The following DDX10 variants were observed in gnomAD, a reference collection of about 807,000 sequenced individuals.
DDX10 encodes probable ATP-dependent RNA helicase DDX10.
A neutral mutation model predicts 104.3 loss-of-function variants in DDX10; 74 were observed. The observed-to-expected ratio is 0.71, with a 90% CI of 0.59 to 0.86. The LOEUF is 0.86. Among genes scored for constraint, DDX10 ranks in the 40% least tolerant of loss-of-function variants. The pLI is 0.00. For missense variants in DDX10, 952 were observed against 1,040.0 expected (o/e 0.92, Z 1.16); for synonymous variants, 351 against 353.4 (o/e 0.99, Z 0.08).
At chr11:108,766,186 G>C (rs540643337) in intron 13 of DDX10, among the ~76,000 whole-genome samples, 6 of 152,000 alleles carry the variant, frequency 3.9e-5, no homozygotes, top group African/African-American at 1.4e-4. Flanking sequence ...TAATTTTTTT[G>C]TTTGCTTTTA....
At chr11:108,666,689 C>T (rs968273214) in intron 1 of DDX10, among the ~76,000 whole-genome samples, 1 of 152,186 alleles carries the variant, frequency 6.6e-6, no homozygotes, top group Non-Finnish European at 1.5e-5. Context: ...TGCATAACTC[C>T]AGTCTCTGCC....
chr11:108,768,245 G>A (rs555607925), intron 13 of DDX10, among the ~76,000 whole-genome samples: 3 of 152,240 alleles, frequency 2.0e-5, no homozygotes, highest in Admixed American at 6.5e-5. Context: ...GAGAGTCAGC[G>A]CCCCTAATTC....
At chr11:108,903,549 GT>G (rs1197249900) in intron 16 of DDX10, among the ~76,000 whole-genome samples, 2 of 152,134 alleles carry the variant, frequency 1.3e-5, no homozygotes, top group African/African-American at 4.8e-5. Flanking sequence ...ACAATACAGT[GT>G]AAGAACTGTT....
chr11:108,879,521 A>G (rs2134630647), intron 16 of DDX10, among the ~76,000 whole-genome samples: 1 of 152,334 alleles, frequency 6.6e-6, no homozygotes, highest in South Asian at 2.1e-4. Context: ...AATATAATGG[A>G]TAAGATTTGC....
intron 6 of DDX10, among the ~76,000 whole-genome samples, chr11:108,687,612 CTT>C (rs2094246238): frequency 6.6e-6 from 1 of 152,164 alleles, no homozygotes; most frequent in African/African-American, 2.4e-5. Context: ...CTCCTTCCCC[CTT>C]TTAAAATTGG....
chr11:108,785,929 G>T (rs1280666986), intron 13 of DDX10, among the ~76,000 whole-genome samples: 1 of 151,892 alleles, frequency 6.6e-6, no homozygotes, highest in African/African-American at 2.4e-5. Context: ...GTTCCTCTAG[G>T]TGTGATGTTA....
chr11:108,891,755 T>C (rs1183287855), intron 16 of DDX10, among the ~76,000 whole-genome samples: 1 of 152,108 alleles, frequency 6.6e-6, no homozygotes, highest in Non-Finnish European at 1.5e-5. Flanking sequence ...TGATCACCCA[T>C]TGTTGTCATA....
intron 13 of DDX10, among the ~76,000 whole-genome samples, chr11:108,831,625 T>C (rs1016740418): frequency 6.6e-6 from 1 of 152,136 alleles, no homozygotes; most frequent in Non-Finnish European, 1.5e-5. Flanking sequence ...AAAAATCTGA[T>C]TTCTTTGGAC....
chr11:108,718,501 T>C (rs1177837626), intron 11 of DDX10, among the ~76,000 whole-genome samples: 2 of 152,234 alleles, frequency 1.3e-5, no homozygotes, highest in Non-Finnish European at 2.9e-5. Flanking sequence ...CATTTAAAAA[T>C]ATTAGATTAA....
At chr11:108,934,782 A>G (rs572090217) in intron 17 of DDX10, among the ~76,000 whole-genome samples, 1 of 152,308 alleles carries the variant, frequency 6.6e-6, no homozygotes, top group African/African-American at 2.4e-5. Context: ...GGCCACTTAT[A>G]TAATTTTTAA....
intron 6 of DDX10, among the ~76,000 whole-genome samples, chr11:108,680,116 A>C (rs993396835): frequency 6.6e-6 from 1 of 152,210 alleles, no homozygotes; most frequent in Non-Finnish European, 1.5e-5. Flanking sequence ...TCTAGCAACT[A>C]TTGTTTTGTC....
intron 13 of DDX10, among the ~76,000 whole-genome samples, chr11:108,804,280 T>C (rs1408006532): frequency 6.6e-6 from 1 of 152,042 alleles, no homozygotes; most frequent in African/African-American, 2.4e-5. Flanking sequence ...GGAGGATTGC[T>C]TGAGCGTAGG....
chr11:108,904,463 G>C (rs564925299), intron 16 of DDX10, among the ~76,000 whole-genome samples: 1 of 152,212 alleles, frequency 6.6e-6, no homozygotes, highest in East Asian at 1.9e-4. Context: ...ATATGCATTT[G>C]TCAAAACCTG....
intron 10 of DDX10, among the ~76,000 whole-genome samples, chr11:108,710,487 G>T (rs920019826): frequency 1.3e-5 from 2 of 151,556 alleles, no homozygotes; most frequent in South Asian, 2.1e-4. Flanking sequence ...CCTACACAGG[G>T]TCAGGATCAT....
At chr11:108,843,687 T>G (rs1210134293) in intron 15 of DDX10, among the ~76,000 whole-genome samples, 2 of 150,744 alleles carry the variant, frequency 1.3e-5, no homozygotes, top group African/African-American at 4.9e-5. Context: ...ACCTGGGAGG[T>G]GGAGGTTGCA....
chr11:108,767,309 T>A (rs1025898420), intron 13 of DDX10: 1 of 152,250 alleles, frequency 6.6e-6, no homozygotes. Flanking sequence ...GAAGTAGAAG[T>A]CAGATTTCAT....
chr11:108,678,562 AC>A (rs1195365177), intron 5 of DDX10, 127 bp downstream of exon 5: 1 of 1,079,626 alleles, frequency 9.3e-7, no homozygotes. Context: ...CTTAAAAATT[AC>A]TGAAACATTT....
intron 17 of DDX10, among the ~76,000 whole-genome samples, chr11:108,936,043 AT>A (rs968148781): frequency 2.0e-5 from 3 of 151,992 alleles, no homozygotes; most frequent in Admixed American, 6.6e-5. Flanking sequence ...ACAATTGCAG[AT>A]TTTTAAAAAA....
At chr11:108,806,030 C>T (rs538236037) in intron 13 of DDX10, among the ~76,000 whole-genome samples, 6 of 152,128 alleles carry the variant, frequency 3.9e-5, no homozygotes, top group East Asian at 1.9e-4. Context: ...GGCATGATCT[C>T]GGCTCACTGC....
Sources: allele counts gnomAD v4.1 joint callset (sites outside exome capture counted in the v4.1 genomes callset), GRCh38; gene constraint gnomAD v4.1.1; transcripts MANE v1.5; gene names NCBI Gene and HGNC (gene_info 2026-07-23, HGNC 2026-07-21).